The following SRRM4 variants were observed in gnomAD, a reference collection of about 807,000 sequenced individuals.
SRRM4 encodes serine/arginine repetitive matrix protein 4.
A neutral mutation model predicts 68.9 loss-of-function variants in SRRM4; 33 were observed. That is an observed-to-expected ratio of 0.48 (90% CI 0.36 to 0.64). The LOEUF is 0.64. Ranked by LOEUF, SRRM4 falls within the 30% of genes least tolerant of loss-of-function variation. The pLI is 0.00. For synonymous variants in SRRM4, 318 were observed against 318.8 expected (o/e 1.00, Z 0.03); for missense variants, 817 against 827.1 (o/e 0.99, Z 0.15).
intron 1 of SRRM4, among the ~76,000 whole-genome samples, chr12:118,982,320 G>A (rs1953252778): frequency 6.6e-6 from 1 of 152,132 alleles, no homozygotes; most frequent in Non-Finnish European, 1.5e-5. Flanking sequence ...ACTTTTCTTG[G>A]TGTCACAGAG....
chr12:119,131,138 T>C (rs1954295344), intron 8 of SRRM4, among the ~76,000 whole-genome samples: 1 of 152,112 alleles, frequency 6.6e-6, no homozygotes, highest in Non-Finnish European at 1.5e-5. Context: ...TAAGATACCA[T>C]AGGAGGATTT....
intron 1 of SRRM4, among the ~76,000 whole-genome samples, chr12:119,038,814 C>T (rs1953646626): frequency 6.6e-6 from 1 of 152,176 alleles, no homozygotes; most frequent in Admixed American, 6.5e-5. Context: ...GACGTGTTAT[C>T]AGCTATTTGT....
At chr12:119,153,318 A>T (rs956222743) in intron 10 of SRRM4, among the ~76,000 whole-genome samples, 2 of 152,190 alleles carry the variant, frequency 1.3e-5, no homozygotes, top group Admixed American at 1.3e-4. Context: ...CACAGCTAGT[A>T]AGTGGCCAGG....
chr12:119,090,644 G>A (rs1038328661), intron 1 of SRRM4, among the ~76,000 whole-genome samples: 1 of 152,206 alleles, frequency 6.6e-6, no homozygotes, highest in Non-Finnish European at 1.5e-5. Context: ...TCTAGGATCT[G>A]ACCAACAGCA....
chr12:119,060,858 T>C (rs548156182), intron 1 of SRRM4, among the ~76,000 whole-genome samples: 20 of 152,212 alleles, frequency 1.3e-4, no homozygotes, highest in Non-Finnish European at 2.6e-4. Context: ...ACCTAACTCA[T>C]AGTGTGAGAT....
At chr12:119,066,670 T>A (rs962960110) in intron 1 of SRRM4, among the ~76,000 whole-genome samples, 7 of 152,228 alleles carry the variant, frequency 4.6e-5, no homozygotes, top group African/African-American at 1.7e-4. Flanking sequence ...CAAGGATGTG[T>A]TTATAATAAA....
chr12:119,037,878 T>C, intron 1 of SRRM4, among the ~76,000 whole-genome samples: 1 of 152,234 alleles, frequency 6.6e-6, no homozygotes, highest in East Asian at 1.9e-4. Context: ...CCTTGCTGAA[T>C]TTCAGCTTCC....
intron 6 of SRRM4, among the ~76,000 whole-genome samples, chr12:119,123,364 C>T (rs1954235290): frequency 1.3e-5 from 2 of 152,026 alleles, no homozygotes; most frequent in African/African-American, 2.4e-5. Flanking sequence ...TTATTGGCCA[C>T]GTGTATTGAA....
At chr12:119,012,065 T>C (rs1458970241) in intron 1 of SRRM4, among the ~76,000 whole-genome samples, 1 of 152,246 alleles carries the variant, frequency 6.6e-6, no homozygotes, top group Non-Finnish European at 1.5e-5. Flanking sequence ...ACAATGTTTG[T>C]AAATTGTATA....
At chr12:119,152,401 A>C (rs1049562478) in intron 10 of SRRM4, among the ~76,000 whole-genome samples, 3 of 152,258 alleles carry the variant, frequency 2.0e-5, no homozygotes, top group Admixed American at 6.5e-5. Context: ...AGTACGTCCT[A>C]CCATTCTGTA....
chr12:119,143,375 G>A (rs1442008814), intron 8 of SRRM4, among the ~76,000 whole-genome samples: 1 of 152,088 alleles, frequency 6.6e-6, no homozygotes, highest in Non-Finnish European at 1.5e-5. Context: ...ACATTTGTGG[G>A]GTCAGAGCAA....
At chr12:119,097,020 T>C (rs558606364) in intron 1 of SRRM4, among the ~76,000 whole-genome samples, 2 of 151,876 alleles carry the variant, frequency 1.3e-5, no homozygotes, top group Admixed American at 6.5e-5. Context: ...CGGGAGGCCT[T>C]GAGGAATTCG....
intron 7 of SRRM4, among the ~76,000 whole-genome samples, chr12:119,126,727 A>G (rs1262495818): frequency 6.6e-6 from 1 of 152,096 alleles, no homozygotes; most frequent in Non-Finnish European, 1.5e-5. Flanking sequence ...AGCTTTAACT[A>G]TAAATCATGC....
At chr12:119,015,938 C>T (rs529075432) in intron 1 of SRRM4, among the ~76,000 whole-genome samples, 2 of 152,218 alleles carry the variant, frequency 1.3e-5, no homozygotes, top group East Asian at 3.9e-4. Flanking sequence ...CTTGCATATT[C>T]ATGCCCACCA....
intron 9 of SRRM4, among the ~76,000 whole-genome samples, chr12:119,146,465 A>G (rs1288859206): frequency 2.0e-5 from 3 of 152,068 alleles, no homozygotes; most frequent in Non-Finnish European, 2.9e-5. Context: ...ACATGCCTGT[A>G]ATCCCAGCTA....
chr12:119,058,442 G>A (rs1004860712), intron 1 of SRRM4, among the ~76,000 whole-genome samples: 1 of 152,118 alleles, frequency 6.6e-6, no homozygotes, highest in African/African-American at 2.4e-5. Flanking sequence ...TTTACAGAAA[G>A]GTAGACTGAG....
chr12:119,016,463 A>AAAAAAG (rs201910015), intron 1 of SRRM4, among the ~76,000 whole-genome samples: 3 of 151,728 alleles, frequency 2.0e-5, no homozygotes, highest in African/African-American at 4.8e-5. Flanking sequence ...TTAAAAAAAA[A>AAAAAAG]AAAAAGAAAA....
intron 9 of SRRM4, among the ~76,000 whole-genome samples, chr12:119,147,081 T>C (rs555682914): frequency 2.0e-3 from 300 of 152,338 alleles, no homozygotes; most frequent in Non-Finnish European, 3.4e-3. Context: ...AGTACGTGAA[T>C]GAATACATAA....
At chr12:119,054,085 A>G (rs189930951) in intron 1 of SRRM4, among the ~76,000 whole-genome samples, 1 of 152,274 alleles carries the variant, frequency 6.6e-6, no homozygotes, top group African/African-American at 2.4e-5. Context: ...CTCTATGTCC[A>G]TGAGTTCAAT....
Sources: allele counts gnomAD v4.1 joint callset (sites outside exome capture counted in the v4.1 genomes callset), GRCh38; gene constraint gnomAD v4.1.1; transcripts MANE v1.5; gene names NCBI Gene and HGNC (gene_info 2026-07-23, HGNC 2026-07-21).